Variants in ROBO2 observed in about 807,000 individuals in gnomAD.
ROBO2 encodes roundabout homolog 2.
A neutral mutation model predicts 160.8 loss-of-function variants in ROBO2; 53 were observed. That is an observed-to-expected ratio of 0.33 (90% CI 0.26 to 0.41). ROBO2 has a LOEUF of 0.41. Ranked by LOEUF, ROBO2 falls within the 10% of genes least tolerant of loss-of-function variation. ROBO2 has a pLI of 1.00. For missense variants in ROBO2, 1,577 were observed against 1,722.4 expected, an observed-to-expected ratio of 0.92 and a Z score of 1.49; for synonymous variants, 664 against 611.7, an observed-to-expected ratio of 1.09 and a Z score of -1.26.
At chr3:77,173,756 T>A (rs1449650426) in intron 2 of ROBO2, among the ~76,000 whole-genome samples, 2 of 152,072 alleles carry the variant, frequency 1.3e-5, no homozygotes, top group African/African-American at 2.4e-5. Context: ...TTAGTGCATA[T>A]CTTGTTTCTG....
chr3:76,882,439 C>T (rs972491317), intron 2 of ROBO2, among the ~76,000 whole-genome samples: 1 of 152,024 alleles, frequency 6.6e-6, no homozygotes, highest in Non-Finnish European at 1.5e-5. Context: ...CATCACTCCT[C>T]TTTCAGGACT....
At chr3:77,316,992 G>A (rs1346244012) in intron 2 of ROBO2, 15 of 1,516,280 alleles carry the variant, frequency 9.9e-6, no homozygotes, top group Middle Eastern at 2.3e-4. Context: ...GATTGACAGC[G>A]GTCTCCAACT....
rs993575660 is a variant in ROBO2, at chr3:77,450,155, T to C, written c.389-27259T>C. On this transcript the variant is annotated intron_variant, in intron 2 of 25. Coordinates refer to ENST00000461745, the Ensembl canonical transcript of ROBO2. ...AGTTTTCTCTGGGCATATTTTAGAA[T>C]AATTGCATATTTGAGTCAGCTGGTT... is the stretch of plus-strand genomic sequence containing the variant. 2.0e-5 allele frequency among the ~76,000 whole-genome samples: 3 copies of C among 152,150 alleles called. No homozygotes were observed. In the South Asian group the frequency reaches 6.2e-4, roughly 31 times the overall value.
intron 2 of ROBO2, among the ~76,000 whole-genome samples, chr3:76,931,607 T>A (rs2077348807): frequency 6.6e-6 from 1 of 151,792 alleles, no homozygotes; most frequent in Non-Finnish European, 1.5e-5. Flanking sequence ...TCAAGCTTAT[T>A]CTTTTATCAC....
intron 2 of ROBO2, among the ~76,000 whole-genome samples, chr3:77,377,295 G>T (rs2072821998): frequency 1.3e-5 from 2 of 152,074 alleles, no homozygotes; most frequent in Non-Finnish European, 2.9e-5. Flanking sequence ...CTTTCCAATG[G>T]CAACTGATGT....
chr3:76,746,480 T>C (rs924468009), intron 2 of ROBO2, among the ~76,000 whole-genome samples: 2 of 152,008 alleles, frequency 1.3e-5, no homozygotes, highest in East Asian at 1.9e-4. Flanking sequence ...TTTCTCCACA[T>C]CCTCTCCAGC....
At chr3:76,117,154 C>T (rs1353052712) in intron 2 of ROBO2, among the ~76,000 whole-genome samples, 1 of 152,054 alleles carries the variant, frequency 6.6e-6, no homozygotes, top group Non-Finnish European at 1.5e-5. Flanking sequence ...ATTCCTAAAC[C>T]ATATAAAGAA....
chr3:77,130,796 T>C (rs1182624330), intron 2 of ROBO2, among the ~76,000 whole-genome samples: 1 of 152,226 alleles, frequency 6.6e-6, no homozygotes, highest in East Asian at 1.9e-4. Flanking sequence ...ATTTTCTATG[T>C]AGAAAAACTT....
At chr3:76,317,293 A>G (rs1204370550) in intron 2 of ROBO2, among the ~76,000 whole-genome samples, 3 of 152,242 alleles carry the variant, frequency 2.0e-5, no homozygotes, top group Admixed American at 6.5e-5. Flanking sequence ...CTTTTAGCCA[A>G]TGTGATGGAT....
chr3:77,107,598 A>T (rs966582344), intron 2 of ROBO2, among the ~76,000 whole-genome samples: 1 of 152,222 alleles, frequency 6.6e-6, no homozygotes, highest in African/African-American at 2.4e-5. Context: ...TAATCAAGAG[A>T]TGATTTAATA....
chr3:77,454,957 T>C (rs2081473890), intron 2 of ROBO2, among the ~76,000 whole-genome samples: 1 of 152,162 alleles, frequency 6.6e-6, no homozygotes, highest in South Asian at 2.1e-4. Flanking sequence ...GTCTACCATC[T>C]CCTGGGTGTA....
intron 2 of ROBO2, among the ~76,000 whole-genome samples, chr3:76,829,328 G>A (rs909481727): frequency 6.6e-6 from 1 of 152,086 alleles, no homozygotes; most frequent in Non-Finnish European, 1.5e-5. Context: ...TGATCTCCTA[G>A]TAGCATTGGA....
intron 2 of ROBO2, among the ~76,000 whole-genome samples, chr3:76,355,044 A>ATGTT (rs1476679563): frequency 6.7e-6 from 1 of 148,904 alleles, no homozygotes; most frequent in African/African-American, 2.5e-5. Flanking sequence ...GTGTATGTGT[A>ATGTT]TGTGTGTGTG....
At chr3:76,034,143 A>G (rs1342251654) in intron 2 of ROBO2, among the ~76,000 whole-genome samples, 1 of 152,180 alleles carries the variant, frequency 6.6e-6, no homozygotes, top group Non-Finnish European at 1.5e-5. Flanking sequence ...CTCTGCTTTC[A>G]TGGGTCATTT....
rs564204802 is a variant in ROBO2, at chr3:76,147,716, C to T, written c.109+210114C>T. Among the ~76,000 whole-genome samples the T allele has an allele frequency of 7.9e-5, 12 of 151,998 alleles. 1 individual carries two copies. The Middle Eastern group carries it at 0.01, about 129-fold the overall frequency. On this transcript the variant is annotated intron_variant, in intron 2 of 26. Coordinates refer to the ROBO2 transcript ENST00000487694. ...CAAGACAGGAAATGGGAAGGACCCTCAATGCGTCTCCCTGAGGAGTTTTGG... is the reference window on the plus strand; with the variant it reads ...CAAGACAGGAAATGGGAAGGACCCTTAATGCGTCTCCCTGAGGAGTTTTGG...
Position 76,678,569 on chromosome 3 carries a change from T to C in ROBO2, c.110-419445T>C, listed in dbSNP as rs770776177. The stretch of plus-strand genomic sequence containing the variant: ...GAGATACTTGTCTTTGACGTTAAAG[T>C]TTTTATTTATAGGATCTATGATTTT... On this transcript the variant is annotated intron_variant, in intron 2 of 26. Coordinates refer to the ROBO2 transcript ENST00000487694. 1.3e-4 allele frequency among the ~76,000 whole-genome samples: 20 copies of C among 152,254 alleles called. No homozygotes were observed. In the South Asian group the frequency reaches 1.7e-3, roughly 13 times the overall value.
At chr3:77,210,363 A>T (rs1216287306) in intron 2 of ROBO2, among the ~76,000 whole-genome samples, 2 of 152,138 alleles carry the variant, frequency 1.3e-5, no homozygotes, top group Non-Finnish European at 2.9e-5. Flanking sequence ...AATTTAAAAC[A>T]TTACAAATAT....
chr3:76,804,573 T>A (rs2064520123), intron 2 of ROBO2, among the ~76,000 whole-genome samples: 1 of 152,214 alleles, frequency 6.6e-6, no homozygotes, highest in Non-Finnish European at 1.5e-5. Flanking sequence ...AGCATAATAT[T>A]AAAGTTAAGG....
At chr3:77,243,223 T>C (rs2089281039) in intron 2 of ROBO2, among the ~76,000 whole-genome samples, 1 of 152,162 alleles carries the variant, frequency 6.6e-6, no homozygotes, top group Non-Finnish European at 1.5e-5. Flanking sequence ...CCTGACCATA[T>C]TGCAAAATAA....
Sources: allele counts gnomAD v4.1 joint callset (sites outside exome capture counted in the v4.1 genomes callset), GRCh38; gene constraint gnomAD v4.1.1; transcripts MANE v1.5; gene names NCBI Gene and HGNC (gene_info 2026-07-23, HGNC 2026-07-21).